The following RAI14 variants were observed in gnomAD, a reference collection of about 807,000 sequenced individuals.
RAI14 encodes retinoic acid induced 14.
A neutral mutation model predicts 115.4 loss-of-function variants in RAI14; 45 were observed. The observed-to-expected ratio is 0.39, with a 90% confidence interval of 0.31 to 0.50. The LOEUF (loss-of-function observed/expected upper bound fraction) is 0.50. RAI14 is among the 20% of genes least tolerant of loss of function. The probability of loss-of-function intolerance (pLI) is 0.85; values close to 1 mark genes in which losing one functional copy is unlikely to be tolerated. For synonymous variants in RAI14, 371 were observed against 415.4 expected, an observed-to-expected ratio of 0.89 and a Z score of 1.30; for missense variants, 939 against 1,131.2, an observed-to-expected ratio of 0.83 and a Z score of 2.44.
intron 3 of RAI14, among the ~76,000 whole-genome samples, chr5:34,776,499 T>C (rs1330484248): frequency 6.6e-6 from 1 of 152,146 alleles, no homozygotes; most frequent in Non-Finnish European, 1.5e-5. Context: ...ATTATTCACA[T>C]TGTATACCTA....
At chr5:34,793,701 CTGGTA>C (rs2150201070) in intron 3 of RAI14, among the ~76,000 whole-genome samples, 1 of 152,054 alleles carries the variant, frequency 6.6e-6, no homozygotes, top group South Asian at 2.1e-4. Flanking sequence ...TAGACACTTC[CTGGTA>C]TGGTTATTTT....
chr5:34,699,570 A>G (rs1739778381), intron 2 of RAI14, among the ~76,000 whole-genome samples: 1 of 152,170 alleles, frequency 6.6e-6, no homozygotes, highest in Non-Finnish European at 1.5e-5. Flanking sequence ...GGCCCACCTT[A>G]TTCTTAACTA....
intron 1 of RAI14, among the ~76,000 whole-genome samples, chr5:34,680,113 TA>T (rs1744280683): frequency 6.6e-6 from 1 of 152,204 alleles, no homozygotes; most frequent in African/African-American, 2.4e-5. Context: ...TTAAAACTGA[TA>T]ACACGGTTCT....
intron 17 of RAI14, among the ~76,000 whole-genome samples, chr5:34,830,243 CA>C (rs1561101140): frequency 6.6e-6 from 1 of 152,174 alleles, no homozygotes; most frequent in East Asian, 1.9e-4. Flanking sequence ...TTCGGCCTCC[CA>C]AAGTGCTGAG....
intron 13 of RAI14, among the ~76,000 whole-genome samples, chr5:34,819,488 G>A (rs1484987354): frequency 6.6e-6 from 1 of 152,136 alleles, no homozygotes; most frequent in Non-Finnish European, 1.5e-5. Context: ...TGGATTTCAA[G>A]TAGACACACG....
chr5:34,777,070 G>A (rs189217757), intron 3 of RAI14, among the ~76,000 whole-genome samples: 1 of 150,594 alleles, frequency 6.6e-6, no homozygotes, highest in African/African-American at 2.4e-5. Context: ...GGAGGCTGAG[G>A]CAGGAGAATC....
At chr5:34,718,132 G>T (rs1580006633) in intron 2 of RAI14, among the ~76,000 whole-genome samples, 1 of 152,172 alleles carries the variant, frequency 6.6e-6, no homozygotes, top group South Asian at 2.1e-4. Flanking sequence ...GCCAGTGCCC[G>T]ATGGGAACAA....
intron 4 of RAI14, 149 bp downstream of exon 4, chr5:34,796,176 C>G: frequency 1.7e-6 from 1 of 598,700 alleles, no homozygotes; most frequent in Non-Finnish European, 3.0e-6. Context: ...GTGTGGATCA[C>G]TTGAGGCCAG....
chr5:34,815,606 T>G (rs1039436747), intron 12 of RAI14, among the ~76,000 whole-genome samples: 1 of 152,026 alleles, frequency 6.6e-6, no homozygotes, highest in Non-Finnish European at 1.5e-5. Context: ...TCTAAAAAAG[T>G]TGAACCCATA....
At chr5:34,725,017 T>G (rs1453210653) in intron 2 of RAI14, among the ~76,000 whole-genome samples, 4 of 151,934 alleles carry the variant, frequency 2.6e-5, no homozygotes, top group Admixed American at 2.0e-4. Context: ...TTGGTAACAG[T>G]TAAAGCAGAA....
At chr5:34,771,911 G>T (rs1402948062) in intron 3 of RAI14, among the ~76,000 whole-genome samples, 11 of 151,660 alleles carry the variant, frequency 7.3e-5, no homozygotes, top group African/African-American at 2.7e-4. Flanking sequence ...TTTGTTTTTT[G>T]TTTTTTTGGG....
rs575530741 is a variant in RAI14, at chr5:34,719,845, T to G, written c.36+32890T>G. ...AGCCAAGGGCTGACTTTCTTTCCAA[T>G]TCAAAGATATTTTTTGTGGTAACTC... On this transcript the variant is annotated intron_variant, in intron 2 of 17. Transcript: ENST00000265109. 3.3e-5 allele frequency among the ~76,000 whole-genome samples: 5 copies of G among 152,312 alleles called. No homozygotes were observed. In the South Asian group the frequency reaches 1.0e-3, roughly 32 times the overall value.
intron 14 of RAI14, among the ~76,000 whole-genome samples, chr5:34,822,445 A>T (rs1756957644): frequency 6.6e-6 from 1 of 151,086 alleles, no homozygotes; most frequent in Non-Finnish European, 1.5e-5. Flanking sequence ...GAGGCTTTGT[A>T]GAGAAAACAA....
rs117919216 is a variant in RAI14 at position 34,825,114 on chromosome 5, A to G, written c.2649+623A>G. Among the ~76,000 whole-genome samples the G allele has an allele frequency of 3.3e-5, 5 of 152,196 alleles. No homozygotes were observed. In the East Asian group the frequency reaches 9.7e-4, roughly 29 times the overall value. The stretch of plus-strand genomic sequence containing the variant: ...ATATAGTGAGACCCCATCTGTACAA[A>G]AAATTTAAAAATTAGCCAGGCATGG... On this transcript the variant is annotated intron_variant, in intron 15 of 17. Transcript: ENST00000265109.
At chr5:34,730,477 A>T (rs1178300283) in intron 2 of RAI14, among the ~76,000 whole-genome samples, 4 of 151,978 alleles carry the variant, frequency 2.6e-5, no homozygotes, top group Admixed American at 2.0e-4. Flanking sequence ...GGAGTTCAAG[A>T]CTAGACTGGT....
intron 3 of RAI14, among the ~76,000 whole-genome samples, chr5:34,775,220 A>G (rs1476272550): frequency 6.6e-6 from 1 of 152,222 alleles, no homozygotes; most frequent in Non-Finnish European, 1.5e-5. Flanking sequence ...TTTCTTGAGT[A>G]ATACCTGACA....
At chr5:34,713,557 TA>T (rs896892666) in intron 2 of RAI14, among the ~76,000 whole-genome samples, 1 of 152,224 alleles carries the variant, frequency 6.6e-6, no homozygotes, top group Non-Finnish European at 1.5e-5. Context: ...GTTTCTTTTT[TA>T]AAAAAATTTT....
At chr5:34,747,093 A>G (rs1340844145) in intron 2 of RAI14, among the ~76,000 whole-genome samples, 1 of 152,136 alleles carries the variant, frequency 6.6e-6, no homozygotes, top group African/African-American at 2.4e-5. Context: ...AGTCTCAGTT[A>G]TGTCTTTATC....
chr5:34,759,124 A>G (rs1368886421), intron 3 of RAI14, among the ~76,000 whole-genome samples: 1 of 152,180 alleles, frequency 6.6e-6, no homozygotes, highest in African/African-American at 2.4e-5. Context: ...TTAGCCAGGT[A>G]TGGTGGCAGG....
Sources: gnomAD v4.1 joint callset for allele counts (sites outside exome capture counted in the v4.1 genomes callset) on GRCh38, gnomAD v4.1.1 for gene constraint, MANE v1.5 for transcripts, NCBI Gene and HGNC (gene_info 2026-07-23, HGNC 2026-07-21) for gene names.